Variants in SCYGR7 observed in about 807,000 individuals in gnomAD.
The protein encoded by SCYGR7 is small cysteine and glycine repeat containing 7, also known as small cysteine and glycine repeat-containing protein 7.
chr2:227,728,556 A>G (rs913718969), exon 1 of SCYGR7: 10 of 398,928 alleles, frequency 2.5e-5, no homozygotes, highest in East Asian at 1.8e-4. Context: ...CCTGCGGCTC[A>G]TGTGGCTGCG....
exon 1 of SCYGR7, chr2:227,728,389 T>G (rs568644725): frequency 5.5e-5 from 22 of 397,952 alleles, no homozygotes; most frequent in Middle Eastern, 6.1e-4. Flanking sequence ...CTGTGGTGGC[T>G]GCGGTGGTGG....
At position 227,728,392 on chromosome 2, in the gene SCYGR7, G is replaced by A. The variant is rs1005750450; in HGVS notation, c.58G>A (p.Gly20Ser). The stretch of plus-strand genomic sequence containing the variant: ...CTGCGGTGGTGGCTGTGGTGGCTGC[G>A]GTGGTGGCTGCGGTGGTGGCTGCGG... Residue 20 changes from glycine (G) to serine (S), a missense_variant, in exon 1 of 1, where the codon GGT becomes AGT. Physicochemically the swap from Gly to Ser is moderately conservative, Grantham distance 56. Coordinates refer to ENST00000641700, the Ensembl canonical transcript of SCYGR7. The A allele has an allele frequency of 7.4e-5, 29 of 392,700 alleles. No homozygotes were observed. In the South Asian group the frequency reaches 1.2e-3, roughly 16 times the overall value. The allele number at this position is 392,700 out of a possible 1,614,324, so 24.3% of individuals were successfully genotyped here.
chr2:227,728,368 TGCG>T (rs1309249795), exon 1 of SCYGR7: 18 of 406,864 alleles, frequency 4.4e-5, no homozygotes, highest in Admixed American at 2.6e-4. Flanking sequence ...TTGTGGTGGC[TGCG>T]GTGGTGGCTG....
chr2:227,728,512 T>G (rs1267870304), exon 1 of SCYGR7: 1 of 399,468 alleles, frequency 2.5e-6, no homozygotes, highest in Non-Finnish European at 4.4e-6. Context: ...TGGGGGCTGC[T>G]GCAGCACACC....
At chr2:227,728,598 C>T (rs1427572343) in exon 1 of SCYGR7, 1 of 399,158 alleles carries the variant, frequency 2.5e-6, no homozygotes. Context: ...AGCAGAAAGG[C>T]TGCTGCCAGA....
exon 1 of SCYGR7, chr2:227,728,384 G>A (rs1321264225): frequency 2.5e-6 from 1 of 401,182 alleles, no homozygotes; most frequent in Non-Finnish European, 4.3e-6. Context: ...GGTGGCTGTG[G>A]TGGCTGCGGT....
Position 227,728,409 on chromosome 2 carries a change from T to C in SCYGR7, c.75T>C (p.Gly25=), listed in dbSNP as rs566815309. Residue 25 remains glycine, a synonymous_variant, in exon 1 of 1, where the codon GGT becomes GGC. Transcript: ENST00000641700. ...GTGGCTGCGGTGGTGGCTGCGGTGG[T>C]GGCTGCGGTGGTGGCTGTGGCAGCT... The C allele has an allele frequency of 3.9e-3, 1,570 of 400,322 alleles. 4 individuals carry two copies. Among genetic ancestry groups the C allele is most frequent in the East Asian group, 6.7e-3 (186 of 27,958 alleles). 24.8% of individuals were successfully genotyped at this position (400,322 alleles called of 1,614,324 possible). A position where few individuals can be genotyped will look rare whatever the true frequency, so the allele number is the denominator to read the frequency against.
In SCYGR7 at chr2:227,728,433, C is replaced by A. The variant is rs1014068950; in HGVS notation, c.99C>A (p.Ser33Arg). The A allele has an allele frequency of 3.2e-5, 13 of 401,420 alleles. No homozygotes were observed. In the South Asian group the frequency reaches 4.9e-4, roughly 15 times the overall value. The allele number at this position is 401,420 out of a possible 1,614,324, so 24.9% of individuals were successfully genotyped here. A position where few individuals can be genotyped will look rare whatever the true frequency, so the allele number is the denominator to read the frequency against. ...GTGGCTGCGGTGGTGGCTGTGGCAG[C>A]TGCACCACCTGCAGGTGCTACCGGG... Residue 33 changes from serine (S) to arginine (R), a missense_variant, in exon 1 of 1, where the codon AGC becomes AGA. Coordinates refer to ENST00000641700, the Ensembl canonical transcript of SCYGR7.
Position 227,728,505 on chromosome 2 carries a change from G to A in SCYGR7, c.171G>A (p.Gly57=), listed in dbSNP as rs184234853. The A allele has an allele frequency of 5.8e-3, 2,314 of 399,352 alleles. 36 individuals are homozygous for A. Among genetic ancestry groups the A allele is most frequent in the East Asian group, 0.04 (1,122 of 28,084 alleles). The allele number at this position is 399,352 out of a possible 1,614,324, so 24.7% of individuals were successfully genotyped here. Residue 57 remains glycine (G), a synonymous_variant, in exon 1 of 1, where the codon GGG becomes GGA. Transcript: ENST00000641700. ...GCCCCTGCTGCCGCGGCTGCTGTGGGGGCTGCTGCAGCACACCTGTGATCT... is the reference window on the plus strand; with the variant it reads ...GCCCCTGCTGCCGCGGCTGCTGTGGAGGCTGCTGCAGCACACCTGTGATCT...
chr2:227,728,509 T>A (rs964301523), exon 1 of SCYGR7: 1 of 399,308 alleles, frequency 2.5e-6, no homozygotes, highest in Non-Finnish European at 4.4e-6. Context: ...CTGTGGGGGC[T>A]GCTGCAGCAC....
exon 1 of SCYGR7, chr2:227,728,388 C>T (rs550367600): frequency 5.8e-5 from 23 of 397,234 alleles, no homozygotes; most frequent in Middle Eastern, 6.1e-4. Context: ...GCTGTGGTGG[C>T]TGCGGTGGTG....
At chr2:227,728,507 G>A (rs1475045283) in exon 1 of SCYGR7, 1 of 399,438 alleles carries the variant, frequency 2.5e-6, no homozygotes, top group Non-Finnish European at 4.4e-6. Context: ...TGCTGTGGGG[G>A]CTGCTGCAGC....
At chr2:227,728,370 CGGTGGTGGCTGT>C (rs768972468) in exon 1 of SCYGR7, 1 of 405,586 alleles carries the variant, frequency 2.5e-6, no homozygotes, top group African/African-American at 2.1e-5. Context: ...GTGGTGGCTG[CGGTGGTGGCTGT>C]GGTGGCTGCG....
exon 1 of SCYGR7, chr2:227,728,415 C>T (rs143224148): frequency 0.011 from 4,239 of 398,686 alleles, 31 homozygotes; most frequent in South Asian, 0.015. Context: ...GTGGTGGCTG[C>T]GGTGGTGGCT....
chr2:227,728,351 G>A (rs1187528734), exon 1 of SCYGR7: 5 of 404,934 alleles, frequency 1.2e-5, no homozygotes, highest in Non-Finnish European at 2.2e-5. Flanking sequence ...TGCTGTGGTT[G>A]TGGAAGTTGT....
At chr2:227,728,571 T>G (rs138090064) in exon 1 of SCYGR7, 1 of 399,042 alleles carries the variant, frequency 2.5e-6, no homozygotes, top group Non-Finnish European at 4.4e-6. Flanking sequence ...GCTGCGGCTG[T>G]GGGAAGGGCT....
chr2:227,728,411 G>A (rs1459979293), exon 1 of SCYGR7: 1 of 404,478 alleles, frequency 2.5e-6, no homozygotes, highest in Non-Finnish European at 4.3e-6. Context: ...TGCGGTGGTG[G>A]CTGCGGTGGT....
rs559224184 is a variant in SCYGR7, at chr2:227,728,423, G to T, written c.89G>T (p.Gly30Val). The change falls in exon 1 of 1, where the codon GGC becomes GTC. Residue 30 changes from glycine (G) to valine (V), a missense_variant. Transcript: ENST00000641700. ...GGCTGCGGTGGTGGCTGCGGTGGTGGCTGTGGCAGCTGCACCACCTGCAGG... is the reference window on the plus strand; with the variant it reads ...GGCTGCGGTGGTGGCTGCGGTGGTGTCTGTGGCAGCTGCACCACCTGCAGG... The T allele has an allele frequency of 2.3e-3, 928 of 402,540 alleles. 3 individuals carry two copies. Among genetic ancestry groups the T allele is most frequent in the Non-Finnish European group, 3.3e-3 (753 of 229,002 alleles). 24.9% of individuals were successfully genotyped at this position (402,540 alleles called of 1,614,324 possible). A position where few individuals can be genotyped will look rare whatever the true frequency, so the allele number is the denominator to read the frequency against.
exon 1 of SCYGR7, chr2:227,728,424 C>T: frequency 2.5e-6 from 1 of 402,558 alleles, no homozygotes; most frequent in South Asian, 1.2e-4. Context: ...GCGGTGGTGG[C>T]TGTGGCAGCT....
Sources: gnomAD v4.1 joint callset for allele counts on GRCh38, gnomAD v4.1.1 for gene constraint, MANE v1.5 for transcripts, NCBI Gene and HGNC (gene_info 2026-07-23, HGNC 2026-07-21) for gene names.